ARHGAP10: variants seen among roughly 807,000 people sequenced by gnomAD.
ARHGAP10 encodes Rho GTPase activating protein 10.
ARHGAP10 carries 87 observed loss-of-function variants against 108.6 expected under a neutral mutation model. The observed-to-expected ratio is 0.80, with a 90% CI of 0.67 to 0.96. ARHGAP10 has a LOEUF of 0.96. ARHGAP10 is among the 40% of genes least tolerant of loss of function. The pLI, the probability that ARHGAP10 is intolerant of heterozygous loss-of-function variation, is 0.00. For synonymous variants in ARHGAP10, 347 were observed against 341.1 expected (o/e 1.02, Z -0.19); for missense variants, 939 against 954.5 (o/e 0.98, Z 0.21).
At chr4:148,035,598 G>T (rs1374328918) in intron 19 of ARHGAP10, among the ~76,000 whole-genome samples, 2 of 152,164 alleles carry the variant, frequency 1.3e-5, no homozygotes, top group Non-Finnish European at 2.9e-5. Flanking sequence ...AAAATGAAAC[G>T]GGAGGAGTGA....
At chr4:147,957,391 G>A (rs1738824544) in intron 16 of ARHGAP10, among the ~76,000 whole-genome samples, 1 of 152,132 alleles carries the variant, frequency 6.6e-6, no homozygotes, top group South Asian at 2.1e-4. Context: ...TTTTGCATAT[G>A]GACTTTTAAG....
At chr4:147,954,118 T>C (rs751030559) in intron 15 of ARHGAP10, among the ~76,000 whole-genome samples, 2 of 152,014 alleles carry the variant, frequency 1.3e-5, no homozygotes, top group Non-Finnish European at 2.9e-5. Context: ...GCCCAGAATA[T>C]GGTTAATCTT....
chr4:147,798,773 CTCTCTCTCTATATATATA>C (rs1247069722), intron 1 of ARHGAP10, among the ~76,000 whole-genome samples: 2 of 4,744 alleles, frequency 4.2e-4, no homozygotes, highest in East Asian at 0.022. Context: ...CTCTCTCTCT[CTCTCTCTCTATATATATA>C]TATATATATA....
intron 1 of ARHGAP10, among the ~76,000 whole-genome samples, chr4:147,806,892 T>C (rs1483968933): frequency 6.6e-6 from 1 of 152,130 alleles, no homozygotes; most frequent in East Asian, 1.9e-4. Flanking sequence ...TTGAATAGCA[T>C]TGCCTGTAGG....
intron 10 of ARHGAP10, among the ~76,000 whole-genome samples, chr4:147,891,214 A>G (rs4835105): frequency 0.95 from 144,014 of 152,268 alleles, 68,545 homozygotes; most frequent in Non-Finnish European, 1. Context: ...TAGCCAAAAA[A>G]TAGAAACAAC....
At chr4:147,784,297 A>G (rs917697102) in intron 1 of ARHGAP10, among the ~76,000 whole-genome samples, 1 of 119,920 alleles carries the variant, frequency 8.3e-6, no homozygotes, top group East Asian at 2.7e-4. Flanking sequence ...TATATAATTT[A>G]CATAACATTA....
chr4:147,934,661 A>T (rs1198869795), intron 13 of ARHGAP10, among the ~76,000 whole-genome samples: 1 of 152,066 alleles, frequency 6.6e-6, no homozygotes, highest in Non-Finnish European at 1.5e-5. Flanking sequence ...ACATAGTGAG[A>T]CCCGCTCTCT....
chr4:147,942,741 A>T (rs1318272561), intron 14 of ARHGAP10, among the ~76,000 whole-genome samples: 1 of 152,216 alleles, frequency 6.6e-6, no homozygotes, highest in Non-Finnish European at 1.5e-5. Flanking sequence ...AGGCCAGGTA[A>T]AGGAGCAGGC....
At chr4:147,796,340 A>C (rs2126753492) in intron 1 of ARHGAP10, among the ~76,000 whole-genome samples, 1 of 152,174 alleles carries the variant, frequency 6.6e-6, no homozygotes, top group East Asian at 1.9e-4. Flanking sequence ...ATTGTGGTAA[A>C]ATATATTTAT....
At chr4:148,026,103 G>A (rs1317628329) in intron 19 of ARHGAP10, among the ~76,000 whole-genome samples, 2 of 152,224 alleles carry the variant, frequency 1.3e-5, no homozygotes, top group African/African-American at 4.8e-5. Context: ...GATGACTGGA[G>A]ATGTTCTTCA....
chr4:147,758,495 C>G (rs983877174), intron 1 of ARHGAP10, among the ~76,000 whole-genome samples: 6 of 152,008 alleles, frequency 3.9e-5, no homozygotes, highest in Admixed American at 3.9e-4. Flanking sequence ...GAAAGCCTGT[C>G]CCCTTTTGGC....
rs935841370 is a variant in ARHGAP10 at position 148,036,229 on chromosome 4, T to G, written c.1868-10663T>G. On this transcript the variant is annotated intron_variant, in intron 19 of 22. Coordinates refer to ENST00000336498, the MANE Select transcript of ARHGAP10 (RefSeq NM_024605.4). ...AATATCTCAATTTTAATTTTTATCTTGCTTTGGACTGTTTCTTTCTGTAGA... is the reference window on the plus strand; with the variant it reads ...AATATCTCAATTTTAATTTTTATCTGGCTTTGGACTGTTTCTTTCTGTAGA... 2.6e-5 allele frequency among the ~76,000 whole-genome samples: 4 copies of G among 152,298 alleles called. No homozygotes were observed. In the East Asian group the frequency reaches 7.7e-4, roughly 29 times the overall value.
At chr4:147,917,269 C>T (rs1260079316) in intron 13 of ARHGAP10, 1 of 152,184 alleles carries the variant, frequency 6.6e-6, no homozygotes, top group African/African-American at 2.4e-5. Flanking sequence ...CCATCAGGTT[C>T]CTTGAAAATT....
intron 19 of ARHGAP10, among the ~76,000 whole-genome samples, chr4:148,038,203 G>C (rs1211052182): frequency 6.6e-6 from 1 of 152,048 alleles, no homozygotes; most frequent in Non-Finnish European, 1.5e-5. Flanking sequence ...TCTGTTTCTT[G>C]GTACTAGATA....
chr4:148,028,327 C>T (rs969744535), intron 19 of ARHGAP10, among the ~76,000 whole-genome samples: 3 of 152,042 alleles, frequency 2.0e-5, no homozygotes, highest in African/African-American at 4.8e-5. Context: ...AGACTTAGAC[C>T]CAGGAGAGAC....
intron 13 of ARHGAP10, among the ~76,000 whole-genome samples, chr4:147,929,052 T>A (rs1737570700): frequency 6.6e-6 from 1 of 152,214 alleles, no homozygotes; most frequent in South Asian, 2.1e-4. Flanking sequence ...TAATAATTTA[T>A]ATTTTGTAAC....
At chr4:147,857,485 C>T (rs1451596352) in intron 4 of ARHGAP10, 68 bp from the exon 5 acceptor site, 2 of 1,308,614 alleles carry the variant, frequency 1.5e-6, no homozygotes, top group Middle Eastern at 2.2e-4. Flanking sequence ...ATAATTTGAG[C>T]TTCCCAGTGG....
rs183212272 is a variant in ARHGAP10, at chr4:147,872,605, G to C, written c.703-2416G>C. ...ACTACTAATCGCCTACTGTTGATCAGAAGCCTCACCCATAACAGAAATAGC... is the reference window on the plus strand; with the variant it reads ...ACTACTAATCGCCTACTGTTGATCACAAGCCTCACCCATAACAGAAATAGC... On this transcript the variant is annotated intron_variant, in intron 7 of 22. Coordinates refer to ENST00000336498, the MANE Select transcript of ARHGAP10 (RefSeq NM_024605.4). Among the ~76,000 whole-genome samples the C allele has an allele frequency of 3.4e-3, 523 of 152,308 alleles. 1 individual carries two copies. The highest frequency in any genetic ancestry group is 5.8e-3 in the Non-Finnish European group (393 of 68,028).
chr4:147,871,291 C>G (rs749639206), intron 7 of ARHGAP10, among the ~76,000 whole-genome samples: 1 of 152,060 alleles, frequency 6.6e-6, no homozygotes, highest in African/African-American at 2.4e-5. Context: ...TAGAAATGGC[C>G]ACATCAAAAT....
Sources: gnomAD v4.1 joint callset for allele counts (sites outside exome capture counted in the v4.1 genomes callset) on GRCh38, gnomAD v4.1.1 for gene constraint, MANE v1.5 for transcripts, NCBI Gene and HGNC (gene_info 2026-07-23, HGNC 2026-07-21) for gene names.